Variants in MYOM2 observed in about 807,000 individuals in gnomAD.
MYOM2 encodes myomesin-2.
MYOM2 carries 254 observed loss-of-function variants against 187.6 expected under a neutral mutation model. The observed-to-expected ratio is 1.35, with a 90% CI of 1.22 to 1.50. The LOEUF is 1.50. Among genes scored for constraint, MYOM2 ranks in the 40% most tolerant of loss-of-function variants. MYOM2 has a pLI of 0.00. For missense variants in MYOM2, 2,796 were observed against 1,924.0 expected (o/e 1.45, Z -8.48); for synonymous variants, 981 against 753.8 (o/e 1.30, Z -4.94).
intron 10 of MYOM2, among the ~76,000 whole-genome samples, chr8:2,073,992 G>C (rs1819327621): frequency 6.6e-6 from 1 of 152,148 alleles, no homozygotes; most frequent in Non-Finnish European, 1.5e-5. Context: ...TGAAACTCGT[G>C]CTTAAGACAC....
At chr8:2,134,518 G>A (rs1255056710) in intron 32 of MYOM2, among the ~76,000 whole-genome samples, 4 of 152,226 alleles carry the variant, frequency 2.6e-5, no homozygotes, top group African/African-American at 9.6e-5. Flanking sequence ...GCAGACCTGT[G>A]TGCTGGGATT....
chr8:2,082,969 G>C (rs1819679727), intron 13 of MYOM2, among the ~76,000 whole-genome samples: 1 of 152,138 alleles, frequency 6.6e-6, no homozygotes, highest in Admixed American at 6.5e-5. Flanking sequence ...CTCGACCCCA[G>C]TTCAGCCACC....
At position 2,057,385 on chromosome 8, in the gene MYOM2, C is replaced by A. The variant is rs750072263; in HGVS notation, c.301C>A (p.Arg101=). ...GGTGGCCGCCTATGGTGAGGCCAAGCGACAGCGCTTCCTCAGCGAGCTGGC... is the reference window on the plus strand; with the variant it reads ...GGTGGCCGCCTATGGTGAGGCCAAGAGACAGCGCTTCCTCAGCGAGCTGGC... ...SLVAAYGEAK[R]QRFLSELAHL... Residue 101 remains arginine, a synonymous_variant, in exon 4 of 37, where the codon CGA becomes AGA. Coordinates refer to ENST00000262113, the MANE Select transcript of MYOM2 (RefSeq NM_003970.4). The A allele has an allele frequency of 1.2e-6, 2 of 1,613,516 alleles. No homozygotes were observed. Among genetic ancestry groups the A allele is most frequent in the African/African-American group, 2.7e-5 (2 of 74,916 alleles).
intron 32 of MYOM2, among the ~76,000 whole-genome samples, chr8:2,134,234 A>G (rs1437085662): frequency 2.6e-5 from 4 of 151,768 alleles, no homozygotes. Flanking sequence ...CCCCCTGTCT[A>G]GGACAGTTCT....
At chr8:2,099,084 T>C (rs1239642338) in intron 19 of MYOM2, 101 bp downstream of exon 19, 3 of 1,413,312 alleles carry the variant, frequency 2.1e-6, no homozygotes, top group Non-Finnish European at 2.8e-6. Flanking sequence ...TCACAGCGTG[T>C]CTGTTCCTCC....
At chr8:2,131,030 A>G (rs3824183) in intron 32 of MYOM2, among the ~76,000 whole-genome samples, 21,173 of 152,148 alleles carry the variant, frequency 0.14, 2,588 homozygotes, top group African/African-American at 0.31. Context: ...TCTTCTGGGA[A>G]AGGCCACCCC....
chr8:2,144,737 T>C lies in MYOM2; in HGVS notation c.4154T>C (p.Ile1385Thr), dbSNP rs1798396830. 8.7e-6 allele frequency: 14 copies of C among 1,613,382 alleles called. No individual in the cohort carries two copies. Among genetic ancestry groups the C allele is most frequent in the Non-Finnish European group, 1.0e-5 (12 of 1,179,958 alleles). The change falls in exon 37 of 37, where the codon ATC becomes ACC. Residue 1385 changes from isoleucine (I) to threonine (T), a missense_variant. By Grantham distance (89) the Ile-to-Thr change is moderately conservative (BLOSUM62 -1). Transcript: ENST00000262113. Reference protein sequence around the residue: ...EVIWFKNDQDIQLSEHFSVKV... With the variant: ...EVIWFKNDQDTQLSEHFSVKV... Reference sequence around the variant, plus strand: ...ATTTGGTTCAAGAACGACCAGGACATCCAGCTCAGCGAGCACTTCTCGGTG... The same window carrying C: ...ATTTGGTTCAAGAACGACCAGGACACCCAGCTCAGCGAGCACTTCTCGGTG...
At chr8:2,052,384 G>A in intron 3 of MYOM2, 71 bp downstream of exon 3, 1 of 1,472,082 alleles carries the variant, frequency 6.8e-7, no homozygotes, top group Non-Finnish European at 9.0e-7. Flanking sequence ...GTGGGGTGAG[G>A]AGGGAAGAGC....
chr8:2,124,673 CCA>C (rs984412055), intron 31 of MYOM2, among the ~76,000 whole-genome samples: 14 of 152,264 alleles, frequency 9.2e-5, no homozygotes, highest in Admixed American at 5.2e-4. Flanking sequence ...GGAGGAAACT[CCA>C]CACTCTTTTC....
chr8:2,121,371 T>G (rs1239489010), intron 28 of MYOM2, among the ~76,000 whole-genome samples: 1 of 152,130 alleles, frequency 6.6e-6, no homozygotes, highest in African/African-American at 2.4e-5. Context: ...GAGTTCTGCT[T>G]TCCATGGGCT....
intron 32 of MYOM2, among the ~76,000 whole-genome samples, chr8:2,130,802 C>T (rs1401478056): frequency 6.6e-6 from 1 of 152,146 alleles, no homozygotes; most frequent in Non-Finnish European, 1.5e-5. Flanking sequence ...GCTTACAGGA[C>T]TAGAACTCTG....
intron 28 of MYOM2, among the ~76,000 whole-genome samples, chr8:2,121,556 G>C (rs1018040931): frequency 1.3e-5 from 2 of 152,156 alleles, no homozygotes; most frequent in Admixed American, 6.5e-5. Flanking sequence ...TTGTGTCCCT[G>C]TCAAGCCTGT....
intron 1 of MYOM2, among the ~76,000 whole-genome samples, chr8:2,045,743 G>A (rs187903287): frequency 2.0e-5 from 3 of 152,334 alleles, no homozygotes; most frequent in South Asian, 2.1e-4. Context: ...GCTGTTGGGT[G>A]TGTTGTGACC....
chr8:2,066,474 G>C (rs182906903), intron 6 of MYOM2, among the ~76,000 whole-genome samples: 1 of 152,188 alleles, frequency 6.6e-6, no homozygotes, highest in African/African-American at 2.4e-5. Context: ...GTAGAGGAAG[G>C]GTTAGGATGA....
intron 32 of MYOM2, among the ~76,000 whole-genome samples, chr8:2,135,784 G>T (rs990013813): frequency 6.6e-6 from 1 of 152,194 alleles, no homozygotes; most frequent in Non-Finnish European, 1.5e-5. Flanking sequence ...ATATGTCCAA[G>T]TCATTGTCTA....
intron 6 of MYOM2, among the ~76,000 whole-genome samples, chr8:2,066,178 C>T (rs933044272): frequency 2.0e-5 from 3 of 152,212 alleles, no homozygotes; most frequent in Non-Finnish European, 4.4e-5. Flanking sequence ...GAGTCCTGCC[C>T]TGGTCCAGCA....
chr8:2,066,662 G>A (rs146497905), intron 6 of MYOM2, among the ~76,000 whole-genome samples: 108 of 152,352 alleles, frequency 7.1e-4, no homozygotes, highest in African/African-American at 2.5e-3. Flanking sequence ...TCCCAGGCAT[G>A]TTCTGAGAGG....
intron 1 of MYOM2, among the ~76,000 whole-genome samples, chr8:2,050,068 C>G (rs1818432642): frequency 6.6e-6 from 1 of 152,164 alleles, no homozygotes; most frequent in Non-Finnish European, 1.5e-5. Context: ...CCACATCCCC[C>G]TTTGCATGGT....
chr8:2,120,315 G>A (rs567805455), intron 28 of MYOM2, among the ~76,000 whole-genome samples: 6 of 152,100 alleles, frequency 3.9e-5, no homozygotes, highest in Admixed American at 2.6e-4. Flanking sequence ...GAGGCCAGGC[G>A]GGATAAATGG....
Sources: allele counts gnomAD v4.1 joint callset (sites outside exome capture counted in the v4.1 genomes callset), GRCh38; gene constraint gnomAD v4.1.1; transcripts MANE v1.5; gene names NCBI Gene and HGNC (gene_info 2026-07-23, HGNC 2026-07-21).